KCND2: variants seen among roughly 807,000 people sequenced by gnomAD.
KCND2 encodes A-type voltage-gated potassium channel KCND2.
Under a neutral mutation model 54.4 loss-of-function variants are expected in KCND2, and 16 were observed. The observed-to-expected ratio is 0.29, with a 90% CI of 0.20 to 0.45. KCND2 has a LOEUF of 0.45. Among genes scored for constraint, KCND2 ranks in the 20% least tolerant of loss-of-function variants. The pLI is 1.00. For missense variants in KCND2, 486 were observed against 824.2 expected (o/e 0.59, Z 5.02); for synonymous variants, 317 against 310.7 (o/e 1.02, Z -0.21).
intron 2 of KCND2, among the ~76,000 whole-genome samples, chr7:120,735,364 C>T (rs868192227): frequency 6.6e-6 from 1 of 152,068 alleles, no homozygotes; most frequent in Non-Finnish European, 1.5e-5. Flanking sequence ...TACAAACACA[C>T]ATTGTCTAAA....
At chr7:120,613,482 G>A (rs1038351616) in intron 1 of KCND2, among the ~76,000 whole-genome samples, 2 of 152,196 alleles carry the variant, frequency 1.3e-5, no homozygotes, top group South Asian at 4.1e-4. Flanking sequence ...TGTGGGCCGA[G>A]ATTGCGCCAC....
intron 1 of KCND2, among the ~76,000 whole-genome samples, chr7:120,550,346 T>C (rs1417291269): frequency 6.6e-6 from 1 of 152,096 alleles, no homozygotes; most frequent in East Asian, 1.9e-4. Flanking sequence ...CATTCAGCGG[T>C]AAGTCAGAAA....
intron 1 of KCND2, among the ~76,000 whole-genome samples, chr7:120,465,330 A>G (rs1802351115): frequency 1.3e-5 from 2 of 152,102 alleles, no homozygotes; most frequent in African/African-American, 4.8e-5. Flanking sequence ...CGGTGTACCA[A>G]AGGCTGCTAT....
intron 1 of KCND2, among the ~76,000 whole-genome samples, chr7:120,496,329 G>C (rs1346922827): frequency 1.3e-5 from 2 of 152,106 alleles, no homozygotes; most frequent in Non-Finnish European, 2.9e-5. Flanking sequence ...AGTCAGATGA[G>C]AAGGCCACCT....
At chr7:120,363,403 T>C (rs1390832237) in intron 1 of KCND2, among the ~76,000 whole-genome samples, 43 of 152,120 alleles carry the variant, frequency 2.8e-4, no homozygotes, top group Admixed American at 2.8e-3. Flanking sequence ...AACCACATTT[T>C]AGCAATATTA....
chr7:120,595,673 C>A (rs1471000011), intron 1 of KCND2, among the ~76,000 whole-genome samples: 1 of 148,680 alleles, frequency 6.7e-6, no homozygotes, highest in African/African-American at 2.5e-5. Flanking sequence ...CTGCATTGGG[C>A]TTACAGATAG....
intron 1 of KCND2, among the ~76,000 whole-genome samples, chr7:120,592,752 C>T (rs1372775173): frequency 6.6e-6 from 1 of 152,098 alleles, no homozygotes; most frequent in Non-Finnish European, 1.5e-5. Context: ...ATTGTAAAGA[C>T]TAGTAAATAT....
At chr7:120,417,662 C>G (rs1584770318) in intron 1 of KCND2, among the ~76,000 whole-genome samples, 1 of 152,228 alleles carries the variant, frequency 6.6e-6, no homozygotes, top group Non-Finnish European at 1.5e-5. Context: ...GCAGTTTGGT[C>G]CCCGAGGCAG....
chr7:120,667,701 A>G (rs551082246), intron 1 of KCND2, among the ~76,000 whole-genome samples: 1 of 152,072 alleles, frequency 6.6e-6, no homozygotes, highest in Non-Finnish European at 1.5e-5. Context: ...AACCAAATGT[A>G]TCTTTCTCAT....
chr7:120,741,912 A>C (rs1428134390), intron 3 of KCND2, among the ~76,000 whole-genome samples: 1 of 152,130 alleles, frequency 6.6e-6, no homozygotes, highest in Non-Finnish European at 1.5e-5. Context: ...AGGTAAAAAA[A>C]AATGCTTAAT....
intron 1 of KCND2, among the ~76,000 whole-genome samples, chr7:120,588,084 C>T (rs993909127): frequency 5.7e-4 from 86 of 152,174 alleles, no homozygotes; most frequent in African/African-American, 2.0e-3. Context: ...AATGCATGCT[C>T]TTCTCTCCTC....
chr7:120,344,383 G>A (rs945319637), intron 1 of KCND2, among the ~76,000 whole-genome samples: 1 of 152,122 alleles, frequency 6.6e-6, no homozygotes, highest in Admixed American at 6.5e-5. Context: ...AACATTATTC[G>A]TGGAACAAAG....
Position 120,689,522 on chromosome 7 carries a change from A to G in KCND2, c.1116-43381A>G, listed in dbSNP as rs144046441. On this transcript the variant is annotated intron_variant, in intron 1 of 5. Transcript: ENST00000331113. ...TAATTTAAACCTAATATTTACTTGA[A>G]ATACACATAACAAACCACTAGTCAT... Among the ~76,000 whole-genome samples the G allele has an allele frequency of 1.1e-4, 17 of 152,330 alleles. No individual in the cohort carries two copies. In the East Asian group the frequency reaches 3.1e-3, roughly 28 times the overall value.
intron 1 of KCND2, among the ~76,000 whole-genome samples, chr7:120,712,695 T>C (rs1792556334): frequency 6.6e-6 from 1 of 152,154 alleles, no homozygotes; most frequent in Non-Finnish European, 1.5e-5. Context: ...TAAATTTTAT[T>C]TGGTTTTAAA....
intron 1 of KCND2, among the ~76,000 whole-genome samples, chr7:120,351,701 G>T (rs1800408902): frequency 6.6e-6 from 1 of 152,058 alleles, no homozygotes; most frequent in South Asian, 2.1e-4. Context: ...TGTCCATGCT[G>T]AAAAATATAT....
chr7:120,476,550 T>A (rs2116271531), intron 1 of KCND2, among the ~76,000 whole-genome samples: 1 of 152,316 alleles, frequency 6.6e-6, no homozygotes, highest in East Asian at 1.9e-4. Context: ...TTATGAGCCC[T>A]CTAAGTCAAT....
At chr7:120,385,619 G>A (rs1355915943) in intron 1 of KCND2, among the ~76,000 whole-genome samples, 1 of 152,060 alleles carries the variant, frequency 6.6e-6, no homozygotes, top group African/African-American at 2.4e-5. Context: ...AACTTATGTA[G>A]ATAAACAGAA....
chr7:120,385,662 CATG>C (rs1231412455), intron 1 of KCND2, among the ~76,000 whole-genome samples: 1 of 152,092 alleles, frequency 6.6e-6, no homozygotes, highest in Non-Finnish European at 1.5e-5. Context: ...TTTCAAAGGA[CATG>C]ATGTTTTCAT....
intron 1 of KCND2, among the ~76,000 whole-genome samples, chr7:120,429,867 T>C (rs989032177): frequency 7.2e-5 from 11 of 152,324 alleles, no homozygotes; most frequent in South Asian, 2.1e-4. Context: ...TAAAAAAATA[T>C]ATTATTTTGA....
Sources: gnomAD v4.1 joint callset for allele counts (sites outside exome capture counted in the v4.1 genomes callset) on GRCh38, gnomAD v4.1.1 for gene constraint, MANE v1.5 for transcripts, NCBI Gene and HGNC (gene_info 2026-07-23, HGNC 2026-07-21) for gene names.